PDE11A: variants seen among roughly 807,000 people sequenced by gnomAD.
PDE11A encodes phosphodiesterase 11A, also known as dual 3',5'-cyclic-AMP and -GMP phosphodiesterase 11A.
Under a neutral mutation model 100.5 loss-of-function variants are expected in PDE11A, and 100 were observed. The ratio of observed to expected loss-of-function variants is 1.00; its 90% CI spans 0.85 to 1.18. PDE11A has a LOEUF of 1.18. Among genes scored for constraint, PDE11A ranks in the 50% most tolerant of loss-of-function variants. PDE11A has a pLI of 0.00. For missense variants in PDE11A, 1,141 were observed against 1,152.6 expected (o/e 0.99, Z 0.15); for synonymous variants, 381 against 420.8 (o/e 0.91, Z 1.16).
intron 1 of PDE11A, among the ~76,000 whole-genome samples, chr2:178,052,694 C>T (rs1167005739): frequency 1.3e-5 from 2 of 152,176 alleles, no homozygotes; most frequent in South Asian, 2.1e-4. Flanking sequence ...CACCACCAAT[C>T]CCACAGAAAT....
intron 2 of PDE11A, among the ~76,000 whole-genome samples, chr2:177,925,469 T>C (rs1192671242): frequency 3.3e-5 from 5 of 152,146 alleles, no homozygotes; most frequent in African/African-American, 1.2e-4. Context: ...TTTGCATTTC[T>C]CTGATGGCCA....
chr2:178,021,225 G>T (rs1489338545), intron 1 of PDE11A, among the ~76,000 whole-genome samples: 2 of 152,002 alleles, frequency 1.3e-5, no homozygotes, highest in Non-Finnish European at 1.5e-5. Flanking sequence ...GCCTCCCAAA[G>T]TGCTGGGATT....
At chr2:177,925,001 T>C (rs1415898015) in intron 2 of PDE11A, among the ~76,000 whole-genome samples, 1 of 150,574 alleles carries the variant, frequency 6.6e-6, no homozygotes, top group East Asian at 1.9e-4. Context: ...GTTCTTGCGA[T>C]AGTTTACTGA....
chr2:177,784,890 T>A (rs935263478), intron 9 of PDE11A, among the ~76,000 whole-genome samples: 20 of 152,250 alleles, frequency 1.3e-4, no homozygotes, highest in African/African-American at 4.8e-4. Context: ...TCTGAACTTG[T>A]TCTCTCCCTA....
At position 177,815,061 on chromosome 2, in the gene PDE11A, G is replaced by C. The variant is rs138268338; in HGVS notation, c.1737+1768C>G. Among the ~76,000 whole-genome samples, 168 of 152,300 alleles carry C rather than the reference G, an allele frequency of 1.1e-3. 1 individual carries two copies. The highest frequency in any genetic ancestry group is 4.0e-3 in the African/African-American group (168 of 41,564). ...ATGAAGTAGGATTTAGATGGGACTA[G>C]TGTATGGTGTGTCCTTCTTTTTAAT... On this transcript the variant is annotated intron_variant, in intron 9 of 19. Coordinates refer to ENST00000286063, the MANE Select transcript of PDE11A (RefSeq NM_016953.4).
intron 10 of PDE11A, among the ~76,000 whole-genome samples, chr2:177,747,825 C>A (rs956869978): frequency 6.6e-6 from 1 of 152,106 alleles, no homozygotes; most frequent in Non-Finnish European, 1.5e-5. Context: ...GGCTGTGGGC[C>A]TCTGAATATC....
At chr2:177,806,523 G>A (rs1352113653) in intron 9 of PDE11A, among the ~76,000 whole-genome samples, 2 of 152,008 alleles carry the variant, frequency 1.3e-5, no homozygotes, top group Non-Finnish European at 2.9e-5. Context: ...ATGAGAAATA[G>A]AACAAAACAA....
chr2:178,050,280 CAG>C (rs1482892923), intron 1 of PDE11A, among the ~76,000 whole-genome samples: 1 of 152,214 alleles, frequency 6.6e-6, no homozygotes. Flanking sequence ...AGACCTGCAG[CAG>C]AGGGTCCTGA....
Position 177,693,798 on chromosome 2 carries a change from A to G in PDE11A, c.2345+3534T>C, listed in dbSNP as rs563630506. On this transcript the variant is annotated intron_variant, in intron 15 of 19. Transcript: ENST00000286063. ...TGAGTTATGTGACCTAAGCTACGCT[A>G]TTTAACCATTTGGACCTCTGTGCCT... 1.4e-4 allele frequency among the ~76,000 whole-genome samples: 22 copies of G among 152,362 alleles called. No individual in the cohort carries two copies. The East Asian group carries it at 1.5e-3, about 11-fold the overall frequency.
At chr2:177,785,368 T>G (rs777428692) in intron 9 of PDE11A, among the ~76,000 whole-genome samples, 1 of 142,936 alleles carries the variant, frequency 7.0e-6, no homozygotes, top group African/African-American at 2.6e-5. Context: ...TAGCAAGTTA[T>G]GTTAGAATAG....
intron 18 of PDE11A, among the ~76,000 whole-genome samples, chr2:177,665,060 C>G (rs2080548206): frequency 6.6e-6 from 1 of 152,100 alleles, no homozygotes; most frequent in African/African-American, 2.4e-5. Context: ...TTTTCTCATC[C>G]TTGTCTTGCA....
At chr2:177,882,494 C>T (rs1251761575) in intron 4 of PDE11A, among the ~76,000 whole-genome samples, 1 of 152,136 alleles carries the variant, frequency 6.6e-6, no homozygotes, top group African/African-American at 2.4e-5. Flanking sequence ...TAAAAGTTTA[C>T]TATCTAAATC....
intron 10 of PDE11A, 115 bp from the exon 11 acceptor site, chr2:177,728,287 TA>T: frequency 1.4e-6 from 1 of 693,248 alleles, no homozygotes; most frequent in South Asian, 1.4e-5. Flanking sequence ...GACCTGCACT[TA>T]CACCCTGATA....
At chr2:177,700,347 T>C (rs1228883533) in intron 14 of PDE11A, among the ~76,000 whole-genome samples, 1 of 149,428 alleles carries the variant, frequency 6.7e-6, no homozygotes, top group African/African-American at 2.5e-5. Flanking sequence ...TAATAATTAA[T>C]GGCACAGCTA....
chr2:178,091,122 G>C (rs1178542950), intron 2 of PDE11A, among the ~76,000 whole-genome samples: 2 of 152,090 alleles, frequency 1.3e-5, no homozygotes, highest in African/African-American at 4.8e-5. Context: ...CTCAAGCTGA[G>C]TGTAGTGGCA....
intron 4 of PDE11A, among the ~76,000 whole-genome samples, chr2:177,882,711 A>G (rs926297883): frequency 1.3e-5 from 2 of 152,202 alleles, no homozygotes; most frequent in Non-Finnish European, 1.5e-5. Flanking sequence ...CTGCCAAGTG[A>G]AGTAAACAAA....
Position 177,816,968 on chromosome 2 carries a change from G to A in PDE11A, c.1645-47C>T, listed in dbSNP as rs1435654377. ...AATTAAACATTGCAGCAACTCATTG[G>A]CAAAATCTAATATGAAAGCAGGCAG... On this transcript the variant is annotated intron_variant, in intron 8 of 19. Coordinates refer to ENST00000286063, the MANE Select transcript of PDE11A (RefSeq NM_016953.4). 3.6e-6 allele frequency: 4 copies of A among 1,116,814 alleles called. No individual in the cohort carries two copies. The East Asian group carries it at 9.4e-5, about 26-fold the overall frequency. The allele number at this position is 1,116,814 out of a possible 1,614,324, so 69.2% of individuals were successfully genotyped here.
chr2:177,964,111 A>T (rs1003719135), intron 2 of PDE11A, among the ~76,000 whole-genome samples: 7 of 151,108 alleles, frequency 4.6e-5, no homozygotes, highest in Admixed American at 2.7e-4. Context: ...GAAAAAGTCA[A>T]ATAATCAACA....
chr2:177,896,369 C>T (rs1292537226), intron 4 of PDE11A, among the ~76,000 whole-genome samples: 1 of 152,190 alleles, frequency 6.6e-6, no homozygotes, highest in Non-Finnish European at 1.5e-5. Flanking sequence ...AGAAGATTAG[C>T]AAGAATGACC....
Sources: gnomAD v4.1 joint callset for allele counts (sites outside exome capture counted in the v4.1 genomes callset) on GRCh38, gnomAD v4.1.1 for gene constraint, MANE v1.5 for transcripts, NCBI Gene and HGNC (gene_info 2026-07-23, HGNC 2026-07-21) for gene names.